Variants in ZDHHC15 observed in about 807,000 individuals in gnomAD.
ZDHHC15 encodes the protein zDHHC palmitoyltransferase 15.
In ZDHHC15, 19 loss-of-function variants were observed where a neutral mutation model predicts 31.7. The observed-to-expected ratio is 0.60, with a 90% CI of 0.42 to 0.88. The LOEUF (loss-of-function observed/expected upper bound fraction) is 0.88, where lower values mean the gene tolerates loss of function less well. Among genes scored for constraint, ZDHHC15 ranks in the 40% least tolerant of loss-of-function variants. ZDHHC15 has a pLI of 0.00. For missense variants in ZDHHC15, 209 were observed against 251.2 expected (o/e 0.83, Z 1.14); for synonymous variants, 103 against 90.0 (o/e 1.14, Z -0.82).
At position 75,429,977 on chromosome X, in the gene ZDHHC15, A is replaced by G. The variant is rs2083760078; in HGVS notation, c.453T>C (p.Cys151=). The part of the protein sequence containing the change: ...RCHHCSVCAM[C]VLKMDHHCPW... The stretch of plus-strand genomic sequence containing the variant: ...GGCAGTGATGATCCATTTTTAACAC[A>G]CACCTACGAAGGGGACAAAATACAG... The change falls in exon 6 of 12, where the codon TGT becomes TGC. Residue 151 remains cysteine, a synonymous_variant. Coordinates refer to ENST00000373367, the MANE Select transcript of ZDHHC15 (RefSeq NM_144969.3). The G allele has an allele frequency of 3.3e-6, 4 of 1,207,468 alleles. No homozygotes were observed. The highest frequency in any genetic ancestry group is 1.8e-5 in the African/African-American group (1 of 56,997).
At chrX:75,449,197 T>TACACA (rs1556015339) in intron 4 of ZDHHC15, among the ~76,000 whole-genome samples, 1 of 36,053 alleles carries the variant, frequency 2.8e-5, no homozygotes, top group East Asian at 3.6e-4. Flanking sequence ...TCTCTCTCTC[T>TACACA]CTATACACAC....
chrX:75,500,157 G>C (rs918114764), intron 2 of ZDHHC15, among the ~76,000 whole-genome samples: 3 of 109,674 alleles, frequency 2.7e-5, no homozygotes, highest in African/African-American at 9.9e-5. Flanking sequence ...AAAAGGCTAC[G>C]CACTGGGTTC....
chrX:75,381,946 C>G (rs1377032405), intron 10 of ZDHHC15, among the ~76,000 whole-genome samples: 8 of 111,650 alleles, frequency 7.2e-5, no homozygotes, highest in Non-Finnish European at 1.3e-4. Context: ...TAAGTCTTGC[C>G]TCATCCTCAA....
At chrX:75,447,996 C>T (rs919677616) in intron 4 of ZDHHC15, among the ~76,000 whole-genome samples, 12 of 109,888 alleles carry the variant, frequency 1.1e-4, no homozygotes, top group Non-Finnish European at 1.7e-4. Flanking sequence ...AGTGGTGCCA[C>T]TTCCATTTCT....
chrX:75,455,259 A>T (rs1053500251), intron 3 of ZDHHC15, among the ~76,000 whole-genome samples: 5 of 111,661 alleles, frequency 4.5e-5, no homozygotes. Context: ...CAAAAACAAG[A>T]AATGGGGAAA....
At chrX:75,393,192 C>T (rs956346402) in intron 10 of ZDHHC15, among the ~76,000 whole-genome samples, 4 of 111,297 alleles carry the variant, frequency 3.6e-5, no homozygotes, top group African/African-American at 1.3e-4. Context: ...CCATTCTTAG[C>T]CTGTTGACTT....
At chrX:75,412,860 T>C (rs1410139125) in intron 10 of ZDHHC15, among the ~76,000 whole-genome samples, 1 of 112,127 alleles carries the variant, frequency 8.9e-6, no homozygotes, top group African/African-American at 3.2e-5. Flanking sequence ...TATGTGTGGA[T>C]TCTAAGACAA....
rs890479013 is a variant in ZDHHC15, at chrX:75,370,283, A to T, written c.*2695T>A. ...AATGAGATTCCACAGAGGTTATTGG[A>T]CAGGGATCCAAAGAAAAGCAAGCAA... On this transcript the variant is annotated 3_prime_UTR_variant, in exon 12 of 12. Coordinates refer to ENST00000373367, the MANE Select transcript of ZDHHC15 (RefSeq NM_144969.3). The T allele has an allele frequency of 9.0e-6, 1 of 110,997 alleles. No individual in the cohort carries two copies. The highest frequency in any genetic ancestry group is 1.9e-5 in the Non-Finnish European group (1 of 53,045). The allele number at this position is 110,997 out of a possible 1,213,427, so 9.1% of individuals were successfully genotyped here.
chrX:75,462,495 C>T (rs184248331), intron 3 of ZDHHC15, among the ~76,000 whole-genome samples: 2 of 112,389 alleles, frequency 1.8e-5, no homozygotes, highest in Admixed American at 9.4e-5. Flanking sequence ...CCACATGGCA[C>T]TTACTCTAAA....
chrX:75,438,598 C>G (rs1035210590), intron 4 of ZDHHC15, among the ~76,000 whole-genome samples: 2 of 111,577 alleles, frequency 1.8e-5, no homozygotes, highest in African/African-American at 6.5e-5. Flanking sequence ...GGTTGGTAAA[C>G]TTTTATTCAT....
chrX:75,455,156 G>A (rs192400573), intron 3 of ZDHHC15, among the ~76,000 whole-genome samples: 22 of 111,694 alleles, frequency 2.0e-4, no homozygotes, highest in African/African-American at 6.5e-4. Flanking sequence ...CATGGTACTG[G>A]TACCAAAACA....
chrX:75,450,941 G>T lies in ZDHHC15; in HGVS notation c.259-19C>A. 8.4e-7 allele frequency: 1 copy of T among 1,195,581 alleles called. No homozygotes were observed. The highest frequency in any genetic ancestry group is 1.7e-5 in the African/African-American group (1 of 57,170). Reference sequence around the variant, plus strand: ...AGTGGAACTGGAAGCAGGAGTGAAAGGTAAGACTTTATTATCTAAAGTTAA... The same window carrying T: ...AGTGGAACTGGAAGCAGGAGTGAAATGTAAGACTTTATTATCTAAAGTTAA... On this transcript the variant is annotated intron_variant, in intron 3 of 11. Coordinates refer to ENST00000373367, the MANE Select transcript of ZDHHC15 (RefSeq NM_144969.3).
intron 4 of ZDHHC15, among the ~76,000 whole-genome samples, chrX:75,443,925 C>T (rs755144511): frequency 9.9e-5 from 11 of 111,229 alleles, no homozygotes; most frequent in Admixed American, 6.7e-4. Flanking sequence ...GAGATACCAT[C>T]TCACACCAGT....
At chrX:75,409,360 C>T (rs1013164558) in intron 10 of ZDHHC15, among the ~76,000 whole-genome samples, 4 of 108,905 alleles carry the variant, frequency 3.7e-5, no homozygotes, top group African/African-American at 1.0e-4. Context: ...GCATTGTGTA[C>T]GCCTGTAATC....
chrX:75,395,552 A>C (rs2083290715), intron 10 of ZDHHC15, among the ~76,000 whole-genome samples: 1 of 111,942 alleles, frequency 8.9e-6, no homozygotes, highest in Non-Finnish European at 1.9e-5. Context: ...AATAGGAAGC[A>C]AAAAAATAGA....
intron 1 of ZDHHC15, among the ~76,000 whole-genome samples, chrX:75,518,774 T>C (rs1231669062): frequency 5.6e-5 from 1 of 17,858 alleles, no homozygotes; most frequent in African/African-American, 1.6e-4. Flanking sequence ...AACTGGTATA[T>C]ATATATATAT....
Position 75,424,725 on chromosome X carries a change from G to A in ZDHHC15, c.663C>T (p.Cys221=). ...GAATCACAAGGCTGACAAAAAACAT[G>A]CAGGCCACAAAGAGAAGAAAAAGGA... ...FHVLFLLFVA[C]MFFVSLVILF... The change falls in exon 8 of 12, where the codon TGC becomes TGT. Residue 221 remains cysteine (C), a synonymous_variant. Transcript: ENST00000373367. 6.6e-6 allele frequency: 8 copies of A among 1,207,761 alleles called. No individual in the cohort carries two copies. The highest frequency in any genetic ancestry group is 9.0e-6 in the Non-Finnish European group (8 of 893,525).
intron 3 of ZDHHC15, among the ~76,000 whole-genome samples, chrX:75,466,632 T>G (rs777584220): frequency 6.3e-5 from 7 of 110,795 alleles, no homozygotes; most frequent in African/African-American, 2.3e-4. Flanking sequence ...AGCAAAGACA[T>G]GAAATCAACC....
At chrX:75,379,024 C>T in intron 11 of ZDHHC15, 96 bp downstream of exon 11, 1 of 643,333 alleles carries the variant, frequency 1.6e-6, no homozygotes, top group Non-Finnish European at 2.4e-6. Context: ...ATCTTTTTCA[C>T]CCAGGATAAG....
Sources: gnomAD v4.1 joint callset for allele counts (sites outside exome capture counted in the v4.1 genomes callset) on GRCh38, gnomAD v4.1.1 for gene constraint, MANE v1.5 for transcripts, NCBI Gene and HGNC (gene_info 2026-07-23, HGNC 2026-07-21) for gene names.